The following GALNT3 variants were observed in gnomAD, a reference collection of about 807,000 sequenced individuals.
GALNT3 encodes the protein GalNAc transferase 3.
GALNT3 carries 51 observed loss-of-function variants against 69.8 expected under a neutral mutation model. The observed-to-expected ratio is 0.73, with a 90% confidence interval of 0.58 to 0.92. The LOEUF (loss-of-function observed/expected upper bound fraction) is 0.92, where lower values mean the gene tolerates loss of function less well. Among genes scored for constraint, GALNT3 ranks in the 40% least tolerant of loss-of-function variants. The pLI, the probability that GALNT3 is intolerant of heterozygous loss-of-function variation, is 0.00. For missense variants in GALNT3, 711 were observed against 760.0 expected, an observed-to-expected ratio of 0.94 and a Z score of 0.76; for synonymous variants, 265 against 248.5, an observed-to-expected ratio of 1.07 and a Z score of -0.63.
chr2:165,772,906 A>C (rs1191869936), intron 1 of GALNT3, among the ~76,000 whole-genome samples: 1 of 152,200 alleles, frequency 6.6e-6, no homozygotes, highest in Non-Finnish European at 1.5e-5. Flanking sequence ...AATTTTTTCC[A>C]AAATAGATGG....
intron 2 of GALNT3, among the ~76,000 whole-genome samples, chr2:165,768,548 A>G (rs1474596898): frequency 6.6e-6 from 1 of 152,196 alleles, no homozygotes; most frequent in Admixed American, 6.5e-5. Flanking sequence ...AAAAATTATG[A>G]GCAACCTAAA....
At chr2:165,765,825 T>C (rs557657711) in intron 2 of GALNT3, among the ~76,000 whole-genome samples, 4 of 152,322 alleles carry the variant, frequency 2.6e-5, no homozygotes, top group Admixed American at 2.6e-4. Flanking sequence ...TTTAATTAGA[T>C]ATTTACCTAA....
intron 7 of GALNT3, among the ~76,000 whole-genome samples, chr2:165,756,620 T>C (rs918146998): frequency 3.3e-4 from 50 of 152,154 alleles, no homozygotes; most frequent in Middle Eastern, 3.4e-3. Context: ...CTCCAGTAAG[T>C]AGTGAAACTA....
Position 165,748,385 on chromosome 2 carries a change from T to C in GALNT3, c.*396A>G. 1 of 265,808 alleles carries C rather than the reference T, an allele frequency of 3.8e-6. No homozygotes were observed. The highest frequency in any genetic ancestry group is 7.2e-6 in the Non-Finnish European group (1 of 138,404). 16.5% of individuals were successfully genotyped at this position (265,808 alleles called of 1,614,324 possible). Reference sequence around the variant, plus strand: ...ATCTATTTTTATGTAGTTAAAAAAATACAGTAACAAATCTTTCTTCCTATC... The same window carrying C: ...ATCTATTTTTATGTAGTTAAAAAAACACAGTAACAAATCTTTCTTCCTATC... On this transcript the variant is annotated 3_prime_UTR_variant, in exon 11 of 11. Coordinates refer to ENST00000392701, the MANE Select transcript of GALNT3 (RefSeq NM_004482.4).
At chr2:165,749,201 T>C (rs1052642862) in intron 10 of GALNT3, among the ~76,000 whole-genome samples, 3 of 152,076 alleles carry the variant, frequency 2.0e-5, no homozygotes, top group African/African-American at 7.2e-5. Context: ...AAAAACATCA[T>C]AAATTATAAA....
Position 165,764,312 on chromosome 2 carries a change from A to C in GALNT3, c.688+572T>G, listed in dbSNP as rs569147333. Among the ~76,000 whole-genome samples, 16 of 152,282 alleles carry C rather than the reference A, an allele frequency of 1.1e-4. No homozygotes were observed. In the East Asian group the frequency reaches 3.1e-3, roughly 29 times the overall value. On this transcript the variant is annotated intron_variant, in intron 3 of 10. Transcript: ENST00000392701. Reference sequence around the variant, plus strand: ...TATTTATTGATATTTATATTAACTCATTCAGTCTTTAAAACAACTCTAGAA... The same window carrying C: ...TATTTATTGATATTTATATTAACTCCTTCAGTCTTTAAAACAACTCTAGAA...
intron 1 of GALNT3, among the ~76,000 whole-genome samples, chr2:165,790,238 A>T (rs1481460170): frequency 6.6e-6 from 1 of 152,126 alleles, no homozygotes; most frequent in African/African-American, 2.4e-5. Context: ...TAAGAGCCCA[A>T]CTCTGAGAAT....
rs1227648197 is a variant in GALNT3 at position 165,778,600 on chromosome 2, C to T, written c.-108-7792G>A. Among the ~76,000 whole-genome samples, 3 of 152,302 alleles carry T rather than the reference C, an allele frequency of 2.0e-5. No individual in the cohort carries two copies. The East Asian group carries it at 5.8e-4, about 29-fold the overall frequency. On this transcript the variant is annotated intron_variant, in intron 1 of 10. Transcript: ENST00000392701. ...AGTGTTCAAGGAAGGGCTCTCCTCT[C>T]ACCAGGGCTGAGATCCAGAGATGTC...
In GALNT3 at chr2:165,754,688, T is replaced by C. The variant is rs780631238; in HGVS notation, c.1565A>G (p.Glu522Gly). 5 of 1,613,652 alleles carry C rather than the reference T, an allele frequency of 3.1e-6. No individual in the cohort carries two copies. The highest frequency in any genetic ancestry group is 1.7e-4 in the Middle Eastern group (1 of 6,060). ...TAATGGTTTGCCTCCTTGATTGTTT[T>C]CTCCAACATCCAGACATAGAGGCTG... ...VGQPLCLDVG[E>G]NNQGGKPLIM... Residue 522 changes from glutamate to glycine, a missense_variant, in exon 9 of 11, where the codon GAA becomes GGA. Physicochemically the swap from Glu to Gly is moderately conservative, Grantham distance 98. Coordinates refer to ENST00000392701, the MANE Select transcript of GALNT3 (RefSeq NM_004482.4).
chr2:165,781,761 A>G (rs1683116130), intron 1 of GALNT3, among the ~76,000 whole-genome samples: 1 of 152,182 alleles, frequency 6.6e-6, no homozygotes, highest in South Asian at 2.1e-4. Flanking sequence ...CAATCAGCAT[A>G]TTATCATCAA....
chr2:165,770,785 A>T lies in GALNT3; in HGVS notation c.-85T>A. ...ATTTTTTATCATAGATTTGCTGAGA[A>T]GAAGGTATCTTTAATGGTAGTACCT... On this transcript the variant is annotated 5_prime_UTR_variant, in exon 2 of 11. Coordinates refer to ENST00000392701, the MANE Select transcript of GALNT3 (RefSeq NM_004482.4). 1 of 1,476,686 alleles carries T rather than the reference A, an allele frequency of 6.8e-7. No homozygotes were observed. 91.5% of individuals were successfully genotyped at this position (1,476,686 alleles called of 1,614,324 possible). A position where few individuals can be genotyped will look rare whatever the true frequency, so the allele number is the denominator to read the frequency against.
intron 1 of GALNT3, among the ~76,000 whole-genome samples, chr2:165,781,718 C>G (rs1050912540): frequency 6.6e-6 from 1 of 152,066 alleles, no homozygotes; most frequent in African/African-American, 2.4e-5. Flanking sequence ...ACAAGGATAT[C>G]TAAAGTATTT....
At position 165,757,169 on chromosome 2, in the gene GALNT3, T is replaced by C; in HGVS notation, c.1270A>G (p.Ser424Gly). The change falls in exon 7 of 11, where the codon AGC becomes GGC. Residue 424 changes from serine to glycine, a missense_variant. Ser to Gly is a moderately conservative substitution (Grantham distance 56). Coordinates refer to ENST00000392701, the MANE Select transcript of GALNT3 (RefSeq NM_004482.4). ...GHVFRSKSPH[S>G]FPKGTQVIAR... ...ATCACCTGAGTGCCTTTTGGAAAGC[T>C]ATGAGGGCTTTTGCTGCGAAAAACA... 6.2e-7 allele frequency: 1 copy of C among 1,614,088 alleles called. No individual in the cohort carries two copies. Among genetic ancestry groups the C allele is most frequent in the Non-Finnish European group, 8.5e-7 (1 of 1,179,972 alleles).
chr2:165,755,059 G>C lies in GALNT3; in HGVS notation c.1397C>G (p.Ala466Gly), dbSNP rs947021038. The C allele has an allele frequency of 1.2e-6, 2 of 1,611,330 alleles. No individual in the cohort carries two copies. The highest frequency in any genetic ancestry group is 1.7e-6 in the Non-Finnish European group (2 of 1,177,888). The change falls in exon 8 of 11, where the codon GCA becomes GGA. Residue 466 changes from alanine to glycine, a missense_variant. By Grantham distance (60) the Ala-to-Gly change is moderately conservative (BLOSUM62 0). Transcript: ENST00000392701. ...TDAAKIVKQK[A>G]FGDLSKRFEI... ...AAATCTTTTTGAAAGATCACCAAAT[G>C]CTTTCTGTAGAAACATGAGAAATGA...
chr2:165,755,099 TA>T (rs1225004047), intron 7 of GALNT3, 36 bp from the exon 8 acceptor site: 2 of 1,560,142 alleles, frequency 1.3e-6, no homozygotes, highest in Non-Finnish European at 1.8e-6. Flanking sequence ...AATGCTTAAT[TA>T]AAACAACATT....
chr2:165,777,217 G>A (rs4667837), intron 1 of GALNT3, among the ~76,000 whole-genome samples: 84,227 of 151,882 alleles, frequency 0.55, 23,926 homozygotes, highest in East Asian at 0.67. Context: ...GTCTAATTTG[G>A]TATACAAAAC....
chr2:165,775,105 GGCTTGGCCAT>G (rs1688823809), intron 1 of GALNT3, among the ~76,000 whole-genome samples: 1 of 151,738 alleles, frequency 6.6e-6, no homozygotes, highest in African/African-American at 2.4e-5. Flanking sequence ...GAGATTAAGT[GGCTTGGCCAT>G]GCCAGTTCAG....
chr2:165,748,825 G>C lies in GALNT3; in HGVS notation c.1858C>G (p.Pro620Ala). The C allele has an allele frequency of 6.2e-7, 1 of 1,611,712 alleles. No individual in the cohort carries two copies. Among genetic ancestry groups the C allele is most frequent in the Non-Finnish European group, 8.5e-7 (1 of 1,178,518 alleles). The change falls in exon 11 of 11, where the codon CCA becomes GCA. Residue 620 changes from proline to alanine, a missense_variant. Coordinates refer to ENST00000392701, the MANE Select transcript of GALNT3 (RefSeq NM_004482.4). Reference sequence around the variant, plus strand: ...ATCCATTTTTGGAGTGGATCTGATGGGTTGCATGACACTAAACTTGGATGC... The same window carrying C: ...ATCCATTTTTGGAGTGGATCTGATGCGTTGCATGACACTAAACTTGGATGC... ...GEHPSLVSCN[P>A]SDPLQKWILS...
chr2:165,762,105 A>G (rs1323536985), intron 3 of GALNT3, 51 bp from the exon 4 acceptor site: 1 of 1,286,236 alleles, frequency 7.8e-7, no homozygotes, highest in Admixed American at 1.8e-5. Context: ...ATTTTCATAT[A>G]TAGCTTATGA....
Sources: gnomAD v4.1 joint callset for allele counts (sites outside exome capture counted in the v4.1 genomes callset) on GRCh38, gnomAD v4.1.1 for gene constraint, MANE v1.5 for transcripts, NCBI Gene and HGNC (gene_info 2026-07-23, HGNC 2026-07-21) for gene names.